The following LCLAT1 variants were observed in gnomAD, a reference collection of about 807,000 sequenced individuals.
LCLAT1 encodes lysocardiolipin acyltransferase 1, also known as 1-AGP acyltransferase 8.
LCLAT1 carries 11 observed loss-of-function variants against 30.7 expected under a neutral mutation model. That is an observed-to-expected ratio of 0.36 (90% CI 0.23 to 0.59). The LOEUF (loss-of-function observed/expected upper bound fraction) is 0.59, where lower values mean the gene tolerates loss of function less well. LCLAT1 is among the 20% of genes least tolerant of loss of function. The pLI is 0.77. For synonymous variants in LCLAT1, 155 were observed against 151.3 expected (o/e 1.02, Z -0.18); for missense variants, 402 against 458.6 (o/e 0.88, Z 1.13).
At chr2:30,507,095 A>G (rs1028161616) in intron 1 of LCLAT1, among the ~76,000 whole-genome samples, 17 of 152,160 alleles carry the variant, frequency 1.1e-4, no homozygotes, top group Non-Finnish European at 1.8e-4. Context: ...TGCATATACT[A>G]TATATGCAAT....
chr2:30,569,515 G>A (rs142584115), intron 5 of LCLAT1, among the ~76,000 whole-genome samples: 2,146 of 152,244 alleles, frequency 0.014, 29 homozygotes, highest in Non-Finnish European at 0.021. Flanking sequence ...TGATCTCTGT[G>A]ACAAATGTCA....
At chr2:30,562,665 A>C (rs1287985240) in intron 4 of LCLAT1, among the ~76,000 whole-genome samples, 1 of 152,142 alleles carries the variant, frequency 6.6e-6, no homozygotes, top group Non-Finnish European at 1.5e-5. Context: ...GCCATCTTTG[A>C]ACTTTATATT....
rs1669372103 is a variant in LCLAT1 at position 30,642,505 on chromosome 2, G to A, written c.*1886G>A. 6.7e-6 allele frequency: 1 copy of A among 149,886 alleles called. No homozygotes were observed. Among genetic ancestry groups the A allele is most frequent in the African/African-American group, 2.5e-5 (1 of 40,670 alleles). The allele number at this position is 149,886 out of a possible 1,614,324, so 9.3% of individuals were successfully genotyped here. ...CTAAGATTTCCTTTGGTTGTATTTA[G>A]AAACACAAATAGTTTTATAATCAGG... On this transcript the variant is annotated 3_prime_UTR_variant, in exon 6 of 6. Transcript: ENST00000379509.
At chr2:30,498,033 T>C (rs1684202190) in intron 1 of LCLAT1, among the ~76,000 whole-genome samples, 1 of 152,160 alleles carries the variant, frequency 6.6e-6, no homozygotes. Flanking sequence ...GATGAAGCAG[T>C]CTTGTTTGAG....
intron 1 of LCLAT1, among the ~76,000 whole-genome samples, chr2:30,448,252 T>C (rs1366068462): frequency 6.6e-6 from 1 of 152,244 alleles, no homozygotes; most frequent in African/African-American, 2.4e-5. Flanking sequence ...GAAATATTTA[T>C]TCATATCATT....
At chr2:30,554,454 G>T (rs913802328) in intron 3 of LCLAT1, among the ~76,000 whole-genome samples, 4 of 152,154 alleles carry the variant, frequency 2.6e-5, no homozygotes, top group Non-Finnish European at 5.9e-5. Flanking sequence ...GTTTAGTACC[G>T]TGATTTAAAA....
chr2:30,517,615 G>A (rs1572558469), intron 1 of LCLAT1, among the ~76,000 whole-genome samples: 1 of 152,158 alleles, frequency 6.6e-6, no homozygotes, highest in African/African-American at 2.4e-5. Context: ...AAATTAAAGG[G>A]AGGAGCATAT....
chr2:30,618,829 A>T (rs1387965768), intron 5 of LCLAT1, among the ~76,000 whole-genome samples: 1 of 152,334 alleles, frequency 6.6e-6, no homozygotes, highest in Non-Finnish European at 1.5e-5. Context: ...GTAGTTTTGT[A>T]GACCCCTAAG....
Position 30,602,995 on chromosome 2 carries a change from C to G in LCLAT1, c.628+34819C>G, listed in dbSNP as rs76643050. Among the ~76,000 whole-genome samples, 647 of 152,230 alleles carry G rather than the reference C, an allele frequency of 4.3e-3. 2 individuals carry two copies. Among genetic ancestry groups the G allele is most frequent in the Admixed American group, 9.7e-3 (149 of 15,286 alleles). The stretch of plus-strand genomic sequence containing the variant: ...TTGAGTTAGAATCATAATTCCATGT[C>G]TTATTAGCTGTGTGACCTAGGGTGG... On this transcript the variant is annotated intron_variant, in intron 5 of 5. Coordinates refer to ENST00000379509, the MANE Select transcript of LCLAT1 (RefSeq NM_001002257.3).
chr2:30,603,572 AG>A (rs1461226183), intron 5 of LCLAT1, among the ~76,000 whole-genome samples: 1 of 152,202 alleles, frequency 6.6e-6, no homozygotes, highest in Non-Finnish European at 1.5e-5. Flanking sequence ...CAAACATTCA[AG>A]ATCTCCTTTG....
At position 30,612,686 on chromosome 2, in the gene LCLAT1, C is replaced by G. The variant is rs78432253; in HGVS notation, c.629-27431C>G. Among the ~76,000 whole-genome samples, 22 of 152,290 alleles carry G rather than the reference C, an allele frequency of 1.4e-4. No homozygotes were observed. The East Asian group carries it at 4.2e-3, about 29-fold the overall frequency. On this transcript the variant is annotated intron_variant, in intron 5 of 5. Transcript: ENST00000379509. ...AAGCACAAATTCCTGTCTGCCTTCT[C>G]TGCTATGGTCTGAGGGATCATTAAT...
chr2:30,473,102 T>C (rs1481522309), intron 1 of LCLAT1, among the ~76,000 whole-genome samples: 1 of 152,158 alleles, frequency 6.6e-6, no homozygotes, highest in Non-Finnish European at 1.5e-5. Flanking sequence ...TGGAAAATAG[T>C]TTGTCTGGAG....
intron 5 of LCLAT1, among the ~76,000 whole-genome samples, chr2:30,590,943 C>T (rs1405532209): frequency 1.3e-4 from 20 of 152,230 alleles, no homozygotes; most frequent in Non-Finnish European, 2.6e-4. Flanking sequence ...GTTCTGATGT[C>T]CTAAATGTTC....
At chr2:30,507,745 C>T (rs1684740766) in intron 1 of LCLAT1, among the ~76,000 whole-genome samples, 2 of 152,092 alleles carry the variant, frequency 1.3e-5, no homozygotes, top group South Asian at 4.1e-4. Context: ...CATGTGTTTG[C>T]TATTGTGAAT....
At chr2:30,595,251 C>T (rs931314885) in intron 5 of LCLAT1, among the ~76,000 whole-genome samples, 1 of 152,044 alleles carries the variant, frequency 6.6e-6, no homozygotes, top group Middle Eastern at 3.2e-3. Flanking sequence ...GACCACTATC[C>T]TTTGTGGGGG....
chr2:30,533,652 T>TA (rs1179978010), intron 3 of LCLAT1, among the ~76,000 whole-genome samples: 1 of 152,238 alleles, frequency 6.6e-6, no homozygotes, highest in East Asian at 1.9e-4. Context: ...TCTGTGCTGA[T>TA]AAAGTACTTG....
At chr2:30,572,871 T>TA (rs1291739708) in intron 5 of LCLAT1, among the ~76,000 whole-genome samples, 10 of 150,906 alleles carry the variant, frequency 6.6e-5, no homozygotes, top group African/African-American at 1.5e-4. Context: ...CTCTAATCTT[T>TA]AAAAAAAAAT....
At chr2:30,507,394 G>A (rs1422269866) in intron 1 of LCLAT1, among the ~76,000 whole-genome samples, 12 of 151,970 alleles carry the variant, frequency 7.9e-5, no homozygotes, top group Admixed American at 7.9e-4. Context: ...TGTGTCATGG[G>A]GGTTTGTTAA....
At chr2:30,601,896 G>T (rs933916602) in intron 5 of LCLAT1, among the ~76,000 whole-genome samples, 3 of 114,612 alleles carry the variant, frequency 2.6e-5, no homozygotes, top group African/African-American at 8.8e-5. Context: ...TATATCTATA[G>T]ATATATATAT....
Sources: allele counts gnomAD v4.1 joint callset (sites outside exome capture counted in the v4.1 genomes callset), GRCh38; gene constraint gnomAD v4.1.1; transcripts MANE v1.5; gene names NCBI Gene and HGNC (gene_info 2026-07-23, HGNC 2026-07-21).